The following ZNF770 variants were observed in gnomAD, a reference collection of about 807,000 sequenced individuals.
ZNF770 encodes the protein zinc finger protein 770.
ZNF770 carries 13 observed loss-of-function variants against 44.8 expected under a neutral mutation model. That is an observed-to-expected ratio of 0.29 (90% CI 0.19 to 0.46). The LOEUF is 0.46. Among genes scored for constraint, ZNF770 ranks in the 20% least tolerant of loss-of-function variants. The pLI is 1.00. For missense variants in ZNF770, 681 were observed against 797.9 expected (o/e 0.85, Z 1.77); for synonymous variants, 304 against 271.8 (o/e 1.12, Z -1.17).
At chr15:34,986,806 A>AG (rs2050437739) in intron 2 of ZNF770, among the ~76,000 whole-genome samples, 3 of 152,246 alleles carry the variant, frequency 2.0e-5, no homozygotes, top group Admixed American at 2.0e-4. Flanking sequence ...AAAGTGTCTT[A>AG]GCCACGGTCC....
rs749115646 is a variant in ZNF770, at chr15:34,981,418, G to C, written c.2017C>G (p.Leu673Val). The C allele has an allele frequency of 1.2e-6, 2 of 1,613,766 alleles. No individual in the cohort carries two copies. Among genetic ancestry groups the C allele is most frequent in the African/African-American group, 2.7e-5 (2 of 74,924 alleles). The change falls in exon 3 of 3, where the codon CTT becomes GTT. Residue 673 changes from leucine (L) to valine (V), a missense_variant. By Grantham distance (32) the Leu-to-Val change is conservative. This residue lies in a region of ZNF770 where 26 missense variants were observed against 23.9 expected (regional missense o/e 1.09). Transcript: ENST00000356321. ...TGTGGTCGTTCTTTAAAGTGAGTAAGCTGATGTCTCTTCCAGTGAGGAGCC... is the reference window on the plus strand; with the variant it reads ...TGTGGTCGTTCTTTAAAGTGAGTAACCTGATGTCTCTTCCAGTGAGGAGCC... Reference protein sequence around the residue: ...RQAPHWKRHQLTHFKERPQGK... With the variant: ...RQAPHWKRHQVTHFKERPQGK...
At chr15:34,986,914 A>T (rs1226283519) in intron 2 of ZNF770, among the ~76,000 whole-genome samples, 1 of 152,188 alleles carries the variant, frequency 6.6e-6, no homozygotes, top group East Asian at 1.9e-4. Context: ...CTTGACTGCA[A>T]CCCCCTCCAG....
chr15:34,984,917 G>T (rs768872254), intron 2 of ZNF770, among the ~76,000 whole-genome samples: 24 of 152,094 alleles, frequency 1.6e-4, no homozygotes, highest in Non-Finnish European at 3.1e-4. Context: ...GAGATCACAT[G>T]AGGCCAGGAG....
chr15:34,984,115 G>A (rs920915729), intron 2 of ZNF770, among the ~76,000 whole-genome samples: 1 of 151,836 alleles, frequency 6.6e-6, no homozygotes, highest in African/African-American at 2.4e-5. Flanking sequence ...GTAGGAAGAA[G>A]GAAATACAGA....
At chr15:34,987,453 C>G (rs1321564235) in intron 2 of ZNF770, 104 bp downstream of exon 2, 2 of 152,204 alleles carry the variant, frequency 1.3e-5, no homozygotes, top group Non-Finnish European at 2.9e-5. Flanking sequence ...TTATCTTAAA[C>G]TGAAATAAAA....
chr15:34,982,877 C>T lies in ZNF770; in HGVS notation c.558G>A (p.Arg186=), dbSNP rs142640556. 311 of 1,613,926 alleles carry T rather than the reference C, an allele frequency of 1.9e-4. 8 individuals are homozygous for T. The South Asian group carries it at 2.3e-3, about 12-fold the overall frequency. The change falls in exon 3 of 3, where the codon AGG becomes AGA. Residue 186 remains arginine, a synonymous_variant. Transcript: ENST00000356321. ...DRHVLIHTGQ[R]PFKCVLCTKS... ...TAGTACACAAGACACATTTAAAAGG[C>T]CTCTGACCAGTATGAATAAGTACAT...
Position 34,983,084 on chromosome 15 carries a change from C to A in ZNF770, c.351G>T (p.Leu117Phe). The A allele has an allele frequency of 6.2e-7, 1 of 1,614,092 alleles. No individual in the cohort carries two copies. The highest frequency in any genetic ancestry group is 8.5e-7 in the Non-Finnish European group (1 of 1,179,984). The part of the protein sequence containing the change: ...YQNNVKQVRR[L>F]LEAKQEKSMY... ...TTGACTTTTCTTGCTTGGCCTCCAG[C>A]AATCTTCTGACCTGTTTAACATTAT... Residue 117 changes from leucine (L) to phenylalanine (F), a missense_variant, in exon 3 of 3, where the codon TTG (leucine) becomes TTT (phenylalanine). This residue lies in a region of ZNF770 where 432 missense variants were observed against 434.1 expected (regional missense o/e 1.00). Coordinates refer to ENST00000356321, the MANE Select transcript of ZNF770 (RefSeq NM_014106.4).
At position 34,982,892 on chromosome 15, in the gene ZNF770, A is replaced by T; in HGVS notation, c.543T>A (p.Ile181=). 1 of 1,614,068 alleles carries T rather than the reference A, an allele frequency of 6.2e-7. No individual in the cohort carries two copies. Among genetic ancestry groups the T allele is most frequent in the Non-Finnish European group, 8.5e-7 (1 of 1,179,980 alleles). ...ATTTAAAAGGCCTCTGACCAGTATG[A>T]ATAAGTACATGCCTATCAAGTTTTG... ...SQSKLDRHVL[I]HTGQRPFKCV... is the part of the protein sequence containing the mutation. The change falls in exon 3 of 3, where the codon ATT becomes ATA. Residue 181 remains isoleucine (I), a synonymous_variant. Coordinates refer to ENST00000356321, the MANE Select transcript of ZNF770 (RefSeq NM_014106.4).
chr15:34,979,898 G>A lies in ZNF770; in HGVS notation c.*1461C>T. 3.3e-6 allele frequency: 1 copy of A among 300,622 alleles called. No homozygotes were observed. The highest frequency in any genetic ancestry group is 2.7e-5 in the South Asian group (1 of 37,012). 18.6% of individuals were successfully genotyped at this position (300,622 alleles called of 1,614,324 possible). A position where few individuals can be genotyped will look rare whatever the true frequency, so the allele number is the denominator to read the frequency against. Reference sequence around the variant, plus strand: ...AATATGAAGGAAAATTTGTAATTATGAAATAAGTCCTTTGTAGTAAAGAAT... The same window carrying A: ...AATATGAAGGAAAATTTGTAATTATAAAATAAGTCCTTTGTAGTAAAGAAT... On this transcript the variant is annotated 3_prime_UTR_variant, in exon 3 of 3. Transcript: ENST00000356321.
chr15:34,986,548 ACC>A (rs2050435437), intron 2 of ZNF770, among the ~76,000 whole-genome samples: 1 of 152,236 alleles, frequency 6.6e-6, no homozygotes, highest in Admixed American at 6.5e-5. Flanking sequence ...AATGAGTCAA[ACC>A]AAAAGTAATC....
chr15:34,987,897 C>T (rs2050445548), intron 1 of ZNF770, among the ~76,000 whole-genome samples: 1 of 152,118 alleles, frequency 6.6e-6, no homozygotes, highest in Non-Finnish European at 1.5e-5. Context: ...AATCCCACGC[C>T]AGGAAAGGAA....
rs768769881 is a variant in ZNF770 at position 34,981,815 on chromosome 15, T to C, written c.1620A>G (p.Gly540=). The C allele has an allele frequency of 1.5e-5, 25 of 1,614,108 alleles. No homozygotes were observed. In the African/African-American group the frequency reaches 3.1e-4, roughly 20 times the overall value. The change falls in exon 3 of 3, where the codon GGA becomes GGG. Residue 540 remains glycine (G), a synonymous_variant. Transcript: ENST00000356321. ...PYASLCQVEF[G]NFNNLSNHSG... ...AATGATTAGAAAGATTGTTGAAGTT[T>C]CCAAATTCTACTTGGCAAAGAGATG...
rs1048593748 is a variant in ZNF770, at chr15:34,979,787, G to A, written c.*1572C>T. The stretch of plus-strand genomic sequence containing the variant: ...AGTATGGCAGGATAATTACCCACCT[G>A]TTCCTCTTTTCAGCTTAGAAACATA... On this transcript the variant is annotated 3_prime_UTR_variant, in exon 3 of 3. Coordinates refer to ENST00000356321, the MANE Select transcript of ZNF770 (RefSeq NM_014106.4). The A allele has an allele frequency of 5.0e-6, 2 of 397,968 alleles. No individual in the cohort carries two copies. Among genetic ancestry groups the A allele is most frequent in the Admixed American group, 3.0e-5 (1 of 33,488 alleles). 24.7% of individuals were successfully genotyped at this position (397,968 alleles called of 1,614,324 possible). A position where few individuals can be genotyped will look rare whatever the true frequency, so the allele number is the denominator to read the frequency against.
Position 34,983,903 on chromosome 15 carries a change from T to C in ZNF770, c.-56-413A>G, listed in dbSNP as rs556806744. Among the ~76,000 whole-genome samples the C allele has an allele frequency of 1.0e-3, 153 of 152,212 alleles. 1 individual carries two copies. The highest frequency in any genetic ancestry group is 2.9e-3 in the Admixed American group (44 of 15,282). On this transcript the variant is annotated intron_variant, in intron 2 of 2. Coordinates refer to ENST00000356321, the MANE Select transcript of ZNF770 (RefSeq NM_014106.4). ...AAAACATAATACTAAAAATAAGATATACTTGCATTCAATTATAGCACATTG... is the reference window on the plus strand; with the variant it reads ...AAAACATAATACTAAAAATAAGATACACTTGCATTCAATTATAGCACATTG...
At position 34,978,366 on chromosome 15, in the gene ZNF770, A is replaced by G. The variant is rs2050380703; in HGVS notation, c.*2993T>C. 1 of 145,078 alleles carries G rather than the reference A, an allele frequency of 6.9e-6. No homozygotes were observed. Among genetic ancestry groups the G allele is most frequent in the Non-Finnish European group, 1.5e-5 (1 of 67,610 alleles). The allele number at this position is 145,078 out of a possible 1,614,324, so 9.0% of individuals were successfully genotyped here. On this transcript the variant is annotated 3_prime_UTR_variant, in exon 3 of 3. Coordinates refer to ENST00000356321, the MANE Select transcript of ZNF770 (RefSeq NM_014106.4). Reference sequence around the variant, plus strand: ...TGTGTAACTTGGAACTTTATTTTTAAAGTATTCTGAAAATTTTCCAAGAAT... The same window carrying G: ...TGTGTAACTTGGAACTTTATTTTTAGAGTATTCTGAAAATTTTCCAAGAAT...
Position 34,980,975 on chromosome 15 carries a change from A to C in ZNF770, c.*384T>G. The C allele has an allele frequency of 5.9e-6, 1 of 169,196 alleles. No homozygotes were observed. Among genetic ancestry groups the C allele is most frequent in the East Asian group, 1.7e-4 (1 of 5,830 alleles). 10.5% of individuals were successfully genotyped at this position (169,196 alleles called of 1,614,324 possible). A position where few individuals can be genotyped will look rare whatever the true frequency, so the allele number is the denominator to read the frequency against. Reference sequence around the variant, plus strand: ...GGCTATGTGCTGCAGCTAAAAGCCAAGTTTTGCCTCTCAGTCTTTTGAGTA... The same window carrying C: ...GGCTATGTGCTGCAGCTAAAAGCCACGTTTTGCCTCTCAGTCTTTTGAGTA... On this transcript the variant is annotated 3_prime_UTR_variant, in exon 3 of 3. Transcript: ENST00000356321.
In ZNF770 at chr15:34,979,891, T is replaced by C. The variant is rs1368879440; in HGVS notation, c.*1468A>G. 2 of 302,150 alleles carry C rather than the reference T, an allele frequency of 6.6e-6. No individual in the cohort carries two copies. The highest frequency in any genetic ancestry group is 4.5e-5 in the African/African-American group (2 of 44,156). 18.7% of individuals were successfully genotyped at this position (302,150 alleles called of 1,614,324 possible). On this transcript the variant is annotated 3_prime_UTR_variant, in exon 3 of 3. Transcript: ENST00000356321. ...AAAGGCAAATATGAAGGAAAATTTG[T>C]AATTATGAAATAAGTCCTTTGTAGT...
chr15:34,987,825 G>C (rs188173786), intron 1 of ZNF770, among the ~76,000 whole-genome samples, 152 bp from the exon 2 acceptor site: 2 of 152,170 alleles, frequency 1.3e-5, no homozygotes, highest in African/African-American at 2.4e-5. Context: ...CACAGTCCTC[G>C]TTCTAAAGGC....
chr15:34,986,064 A>G (rs1390030615), intron 2 of ZNF770, among the ~76,000 whole-genome samples: 1 of 152,148 alleles, frequency 6.6e-6, no homozygotes, highest in Admixed American at 6.5e-5. Context: ...TACTAGACAA[A>G]GGAACCTACA....
Sources: allele counts gnomAD v4.1 joint callset (sites outside exome capture counted in the v4.1 genomes callset), GRCh38; gene constraint gnomAD v4.1.1; regional missense constraint gnomAD v4.1.1; transcripts MANE v1.5; gene names NCBI Gene and HGNC (gene_info 2026-07-23, HGNC 2026-07-21).